ABTB3: variants seen among roughly 807,000 people sequenced by gnomAD.
ABTB3 encodes ankyrin repeat- and BTB/POZ domain-containing protein 3.
chr12:107,652,293 C>T, the ABTB3 span, among the ~76,000 whole-genome samples: 1 of 152,238 alleles, frequency 6.6e-6, no homozygotes, highest in South Asian at 2.1e-4. Flanking sequence ...GCATGCCCTC[C>T]AGCTGATTCT....
At chr12:107,532,234 G>A in the ABTB3 span, among the ~76,000 whole-genome samples, 19 of 152,210 alleles carry the variant, frequency 1.2e-4, no homozygotes, top group African/African-American at 4.6e-4. Context: ...CCCCAGGACA[G>A]ACCCAACCAG....
the ABTB3 span, among the ~76,000 whole-genome samples, chr12:107,581,829 A>G: frequency 6.6e-6 from 1 of 152,298 alleles, no homozygotes; most frequent in South Asian, 2.1e-4. Context: ...TTTTGAGCCA[A>G]AGCAAGAGAA....
At chr12:107,339,110 T>C in the ABTB3 span, among the ~76,000 whole-genome samples, 1 of 152,222 alleles carries the variant, frequency 6.6e-6, no homozygotes, top group Non-Finnish European at 1.5e-5. Flanking sequence ...TCTTGCTAGT[T>C]CTGCAGGTCG....
the ABTB3 span, chr12:107,651,852 G>A: frequency 7.3e-7 from 1 of 1,377,110 alleles, no homozygotes; most frequent in East Asian, 2.3e-5. Flanking sequence ...GCTTTTCCTT[G>A]GCAAACACAG....
chr12:107,598,296 G>C, the ABTB3 span, among the ~76,000 whole-genome samples: 1 of 152,188 alleles, frequency 6.6e-6, no homozygotes, highest in Admixed American at 6.5e-5. Flanking sequence ...ACACAGGATG[G>C]GGAAGATGCA....
chr12:107,483,805 G>A, the ABTB3 span, among the ~76,000 whole-genome samples: 1 of 152,192 alleles, frequency 6.6e-6, no homozygotes, highest in Non-Finnish European at 1.5e-5. Context: ...TTCCACCTTA[G>A]CCTCCCATGT....
the ABTB3 span, among the ~76,000 whole-genome samples, chr12:107,535,622 T>A: frequency 6.6e-6 from 1 of 152,124 alleles, no homozygotes; most frequent in East Asian, 1.9e-4. Context: ...TATATGCCAA[T>A]AACAAACTAG....
the ABTB3 span, chr12:107,657,892 G>C: frequency 1.1e-3 from 737 of 655,234 alleles, 10 homozygotes; most frequent in African/African-American, 0.012. Context: ...CTGGTCTGCA[G>C]ATCAGATCAG....
chr12:107,494,063 G>C, the ABTB3 span, among the ~76,000 whole-genome samples: 2 of 152,182 alleles, frequency 1.3e-5, no homozygotes, highest in Non-Finnish European at 2.9e-5. Flanking sequence ...TACACAGGGA[G>C]GTATTAGGAT....
chr12:107,356,108 A>G, the ABTB3 span, among the ~76,000 whole-genome samples: 1 of 152,344 alleles, frequency 6.6e-6, no homozygotes, highest in South Asian at 2.1e-4. Flanking sequence ...ATGTTCATCC[A>G]TATACCACCT....
the ABTB3 span, among the ~76,000 whole-genome samples, chr12:107,641,813 A>G: frequency 2.0e-5 from 3 of 152,356 alleles, no homozygotes; most frequent in East Asian, 5.8e-4. Context: ...TGAAAGATGG[A>G]CAGGGTTTAA....
chr12:107,565,456 T>C, the ABTB3 span, among the ~76,000 whole-genome samples: 2 of 152,188 alleles, frequency 1.3e-5, no homozygotes, highest in East Asian at 3.8e-4. Context: ...TCATTTCCCC[T>C]CTGTTATTCT....
the ABTB3 span, among the ~76,000 whole-genome samples, chr12:107,446,790 C>T: frequency 6.6e-6 from 1 of 152,174 alleles, no homozygotes; most frequent in East Asian, 1.9e-4. Context: ...ACCCAGATCC[C>T]AGCTGTCTTG....
chr12:107,617,045 G>A, the ABTB3 span: 4 of 1,587,362 alleles, frequency 2.5e-6, no homozygotes, highest in South Asian at 2.2e-5. Flanking sequence ...CCTGTGCACA[G>A]TGTATCTCCT....
the ABTB3 span, among the ~76,000 whole-genome samples, chr12:107,400,253 T>C: frequency 1.3e-5 from 2 of 152,282 alleles, no homozygotes; most frequent in African/African-American, 4.8e-5. Context: ...ATATTTTAAC[T>C]TACTCGATGA....
chr12:107,397,557 T>A, the ABTB3 span, among the ~76,000 whole-genome samples: 7 of 152,310 alleles, frequency 4.6e-5, 1 homozygote, highest in African/African-American at 1.7e-4. Context: ...ATGCCTCTTC[T>A]GGGTGTATTG....
At chr12:107,582,849 A>C in the ABTB3 span, among the ~76,000 whole-genome samples, 1 of 152,270 alleles carries the variant, frequency 6.6e-6, no homozygotes, top group African/African-American at 2.4e-5. Flanking sequence ...CATTGCCCCC[A>C]TCGCCAACCT....
the ABTB3 span, among the ~76,000 whole-genome samples, chr12:107,426,957 C>G: frequency 2.0e-5 from 3 of 152,292 alleles, no homozygotes; most frequent in African/African-American, 7.2e-5. Context: ...CAATTTCATC[C>G]ATTTTCACCC....
chr12:107,605,170 A>AT, the ABTB3 span, among the ~76,000 whole-genome samples: 2 of 152,118 alleles, frequency 1.3e-5, no homozygotes, highest in Non-Finnish European at 2.9e-5. Context: ...AATGTAATTG[A>AT]TTTTTTTTAA....
Sources: allele counts gnomAD v4.1 joint callset (sites outside exome capture counted in the v4.1 genomes callset), GRCh38; gene constraint gnomAD v4.1.1; transcripts MANE v1.5; gene names NCBI Gene and HGNC (gene_info 2026-07-23, HGNC 2026-07-21).